CSMD2: variants seen among roughly 807,000 people sequenced by gnomAD.
CSMD2 encodes CUB and sushi domain-containing protein 2.
Under a neutral mutation model 398.5 loss-of-function variants are expected in CSMD2, and 130 were observed. The ratio of observed to expected loss-of-function variants is 0.33; its 90% CI spans 0.28 to 0.38. CSMD2 has a LOEUF of 0.38. Among genes scored for constraint, CSMD2 ranks in the 10% least tolerant of loss-of-function variants. The pLI is 1.00. For missense variants in CSMD2, 3,829 were observed against 4,764.9 expected (o/e 0.80, Z 5.78); for synonymous variants, 1,828 against 1,908.5 (o/e 0.96, Z 1.10).
chr1:33,923,998 C>T (rs565974586), intron 4 of CSMD2, among the ~76,000 whole-genome samples: 14 of 152,198 alleles, frequency 9.2e-5, no homozygotes, highest in Non-Finnish European at 2.1e-4. Context: ...TCTCTTCATG[C>T]CCTACATCCT....
intron 13 of CSMD2, among the ~76,000 whole-genome samples, chr1:33,763,963 A>G (rs1650166330): frequency 1.3e-5 from 2 of 152,030 alleles, no homozygotes; most frequent in Admixed American, 1.3e-4. Flanking sequence ...TTTCCTCTCT[A>G]GTCTCTGCTG....
intron 1 of CSMD2, among the ~76,000 whole-genome samples, chr1:34,162,728 G>A (rs970909041): frequency 2.0e-5 from 3 of 152,104 alleles, no homozygotes; most frequent in East Asian, 3.9e-4. Flanking sequence ...GCGTGGTGAC[G>A]GTCGCCTGTA....
rs1248862786 is a variant in CSMD2, at chr1:33,633,289, C to A, written c.5200+133G>T. On this transcript the variant is annotated intron_variant, in intron 32 of 70. Transcript: ENST00000373381. This position sits in a 1 kb window ranked among gnomAD's most constrained non-coding sequence, Gnocchi z 5.0. ...CTGGCTGCTGCGTTGTAGACAAGCA[C>A]CAGAACACGACAGGCACGCAGAGCC... The A allele has an allele frequency of 1.3e-5, 9 of 690,200 alleles. No homozygotes were observed. The highest frequency in any genetic ancestry group is 4.0e-4 in the Middle Eastern group (1 of 2,528). The allele number at this position is 690,200 out of a possible 1,614,324, so 42.8% of individuals were successfully genotyped here.
rs370507143 is a variant in CSMD2 at position 33,568,189 on chromosome 1, C to CTTTTTTT, written c.8132-355_8132-349dup. ...CCCAAAAACTCAAACTCAGGAGCAT[C>CTTTTTTT]TTTTTTTTTTTTTTTTGAGACAAGA... On this transcript the variant is annotated intron_variant, in intron 52 of 70. Transcript: ENST00000373381. Among the ~76,000 whole-genome samples the CTTTTTTT allele has an allele frequency of 2.8e-5, 4 of 141,336 alleles. 1 individual carries two copies. Among genetic ancestry groups the CTTTTTTT allele is most frequent in the African/African-American group, 2.6e-5 (1 of 38,138 alleles). 92.7% of individuals were successfully genotyped at this position (141,336 alleles called of 152,430 possible). A position where few individuals can be genotyped will look rare whatever the true frequency, so the allele number is the denominator to read the frequency against.
At chr1:33,719,688 C>A (rs769913355) in intron 19 of CSMD2, among the ~76,000 whole-genome samples, 1 of 152,170 alleles carries the variant, frequency 6.6e-6, no homozygotes, top group Non-Finnish European at 1.5e-5. Flanking sequence ...GGATCAAAAG[C>A]CCATTTACCT....
intron 3 of CSMD2, among the ~76,000 whole-genome samples, chr1:33,938,116 G>C (rs576246942): frequency 6.6e-6 from 1 of 152,378 alleles, no homozygotes; most frequent in Admixed American, 6.5e-5. Flanking sequence ...ATTTTTGTGA[G>C]AGTGAATCTT....
At chr1:33,819,463 T>A (rs903120402) in intron 9 of CSMD2, among the ~76,000 whole-genome samples, 1 of 152,220 alleles carries the variant, frequency 6.6e-6, no homozygotes, top group African/African-American at 2.4e-5. Context: ...CCCATTAGAC[T>A]GTAAGGTCCA....
In CSMD2 at chr1:33,996,890, G is replaced by C. The variant is rs369072526; in HGVS notation, c.517+35704C>G. Among the ~76,000 whole-genome samples, 29 of 152,134 alleles carry C rather than the reference G, an allele frequency of 1.9e-4. No homozygotes were observed. The South Asian group carries it at 5.8e-3, about 31-fold the overall frequency. The stretch of plus-strand genomic sequence containing the variant: ...GACCGGAAGAAGAAAGACAATAATA[G>C]ATAATATTTATTGCATCTGGCACAG... On this transcript the variant is annotated intron_variant, in intron 3 of 70. Transcript: ENST00000373381.
intron 5 of CSMD2, among the ~76,000 whole-genome samples, chr1:33,900,514 C>T (rs143480363): frequency 5.9e-5 from 9 of 152,302 alleles, no homozygotes; most frequent in African/African-American, 1.7e-4. Context: ...CAATGGCTCA[C>T]GCCTGTAATC....
intron 12 of CSMD2, among the ~76,000 whole-genome samples, chr1:33,784,534 T>G (rs919381028): frequency 4.6e-5 from 7 of 152,224 alleles, no homozygotes. Flanking sequence ...GCCTCCAGGC[T>G]CCTGCGAGCC....
intron 41 of CSMD2, among the ~76,000 whole-genome samples, chr1:33,606,490 A>T (rs540727155): frequency 1.3e-5 from 2 of 152,326 alleles, no homozygotes; most frequent in African/African-American, 4.8e-5. Context: ...TCCCTGGGAA[A>T]TCATTGAGGT....
chr1:34,088,722 A>G (rs988238189), intron 2 of CSMD2, among the ~76,000 whole-genome samples: 1 of 152,206 alleles, frequency 6.6e-6, no homozygotes, highest in Non-Finnish European at 1.5e-5. Flanking sequence ...TTTCAAAAGA[A>G]AGAGCTGAAT....
At chr1:33,647,851 T>G (rs966001001) in intron 28 of CSMD2, among the ~76,000 whole-genome samples, 5 of 152,238 alleles carry the variant, frequency 3.3e-5, no homozygotes, top group African/African-American at 4.8e-5. Context: ...AGATGAAGCC[T>G]GCCAAGGCGG....
chr1:33,592,089 G>A (rs985510701), intron 44 of CSMD2: 14 of 390,860 alleles, frequency 3.6e-5, no homozygotes, highest in Non-Finnish European at 6.7e-5. Context: ...ATTCAGGCTA[G>A]AATAAGCAAA....
chr1:33,635,370 G>T lies in CSMD2; in HGVS notation c.4970-40C>A. On this transcript the variant is annotated intron_variant, in intron 30 of 70. Transcript: ENST00000373381. The surrounding 1 kb of genome is among the most constrained non-coding windows in gnomAD (Gnocchi z 5.0). Reference sequence around the variant, plus strand: ...AGATAGAGAGTCAGGTGACCTTGTGGGCCTCTTACCAGTGACCATCCTCTG... The same window carrying T: ...AGATAGAGAGTCAGGTGACCTTGTGTGCCTCTTACCAGTGACCATCCTCTG... 1 of 1,267,980 alleles carries T rather than the reference G, an allele frequency of 7.9e-7. No homozygotes were observed. The highest frequency in any genetic ancestry group is 1.5e-5 in the African/African-American group (1 of 68,090). The allele number at this position is 1,267,980 out of a possible 1,614,324, so 78.5% of individuals were successfully genotyped here.
At chr1:33,608,897 A>G (rs1640813494) in intron 41 of CSMD2, among the ~76,000 whole-genome samples, 1 of 152,166 alleles carries the variant, frequency 6.6e-6, no homozygotes, top group Non-Finnish European at 1.5e-5. Flanking sequence ...TGGCAGCCCT[A>G]ACAAACTAAG....
intron 5 of CSMD2, among the ~76,000 whole-genome samples, chr1:33,853,644 T>G (rs1309502763): frequency 6.9e-6 from 1 of 145,852 alleles, no homozygotes; most frequent in African/African-American, 2.6e-5. Flanking sequence ...TGCACAGGCA[T>G]TGAGGGTGGG....
chr1:33,740,360 G>T (rs1647018905), intron 14 of CSMD2, among the ~76,000 whole-genome samples: 1 of 152,044 alleles, frequency 6.6e-6, no homozygotes, highest in Non-Finnish European at 1.5e-5. Context: ...CAGCTTTCCA[G>T]TGGAGACCAG....
At chr1:34,113,991 CAG>C (rs1661353461) in intron 1 of CSMD2, among the ~76,000 whole-genome samples, 2 of 152,144 alleles carry the variant, frequency 1.3e-5, no homozygotes, top group African/African-American at 4.8e-5. Context: ...TCTCACCTGA[CAG>C]AAACCAGAGT....
Sources: allele counts gnomAD v4.1 joint callset (sites outside exome capture counted in the v4.1 genomes callset), GRCh38; gene constraint gnomAD v4.1.1; non-coding constraint Gnocchi (gnomAD v3.1); transcripts MANE v1.5; gene names NCBI Gene and HGNC (gene_info 2026-07-23, HGNC 2026-07-21).